SYNPR: variants seen among roughly 807,000 people sequenced by gnomAD.
The protein encoded by SYNPR is synaptoporin.
A neutral mutation model predicts 32.9 loss-of-function variants in SYNPR; 23 were observed. That is an observed-to-expected ratio of 0.70 (90% CI 0.50 to 0.99). SYNPR has a LOEUF of 0.99. Among genes scored for constraint, SYNPR ranks in the 50% least tolerant of loss-of-function variants. SYNPR has a pLI of 0.00. For synonymous variants in SYNPR, 146 were observed against 135.9 expected, an observed-to-expected ratio of 1.07 and a Z score of -0.52; for missense variants, 318 against 349.3, an observed-to-expected ratio of 0.91 and a Z score of 0.71.
chr3:63,473,965 A>C (rs1700851621), intron 2 of SYNPR, among the ~76,000 whole-genome samples: 1 of 152,214 alleles, frequency 6.6e-6, no homozygotes, highest in Non-Finnish European at 1.5e-5. Flanking sequence ...CATGTTTCCC[A>C]AAAGGAGATT....
chr3:63,521,610 A>G (rs890764039), intron 3 of SYNPR, among the ~76,000 whole-genome samples: 1 of 152,198 alleles, frequency 6.6e-6, no homozygotes, highest in African/African-American at 2.4e-5. Flanking sequence ...ACTACGTTGG[A>G]GTATTTTCTT....
intron 4 of SYNPR, among the ~76,000 whole-genome samples, chr3:63,570,473 C>G (rs1702868309): frequency 6.6e-6 from 1 of 152,194 alleles, no homozygotes; most frequent in Non-Finnish European, 1.5e-5. Context: ...TTTAGTCAAA[C>G]TGTACAATTT....
At chr3:63,228,878 C>T (rs2086148440) in intron 1 of SYNPR, among the ~76,000 whole-genome samples, 1 of 151,648 alleles carries the variant, frequency 6.6e-6, no homozygotes, top group African/African-American at 2.4e-5. Flanking sequence ...GGCAGAAAAC[C>T]GGAAACTATT....
intron 2 of SYNPR, among the ~76,000 whole-genome samples, chr3:63,305,723 T>C (rs1373909411): frequency 2.0e-5 from 3 of 151,986 alleles, no homozygotes; most frequent in Non-Finnish European, 2.9e-5. Flanking sequence ...ACCGACATAC[T>C]ACCTCTCAGA....
intron 4 of SYNPR, among the ~76,000 whole-genome samples, chr3:63,569,661 A>G (rs5000576): frequency 0.91 from 137,906 of 152,344 alleles, 62,475 homozygotes; most frequent in East Asian, 1. Context: ...TTGCATAGCC[A>G]CGCAAGCGTA....
intron 3 of SYNPR, among the ~76,000 whole-genome samples, chr3:63,504,375 G>C (rs956919442): frequency 5.3e-5 from 8 of 152,108 alleles, no homozygotes; most frequent in Non-Finnish European, 1.0e-4. Flanking sequence ...CTTAGAACTG[G>C]TGATTCACAG....
rs1189073932 is a variant in SYNPR, at chr3:63,313,561, A to G, written c.84+34819A>G. 6.7e-5 allele frequency among the ~76,000 whole-genome samples: 10 copies of G among 149,052 alleles called. No homozygotes were observed. In the East Asian group the frequency reaches 8.3e-4, roughly 12 times the overall value. ...TTAATTCATTCCTTTTTATGGCTGC[A>G]TAGTATTCCATTGTGTGTGTATGTG... On this transcript the variant is annotated intron_variant, in intron 2 of 5. Coordinates refer to ENST00000478300, the MANE Select transcript of SYNPR (RefSeq NM_001130003.2).
chr3:63,256,358 C>G (rs1423878715), intron 2 of SYNPR, among the ~76,000 whole-genome samples: 1 of 152,188 alleles, frequency 6.6e-6, no homozygotes, highest in Non-Finnish European at 1.5e-5. Flanking sequence ...CCGGGTACTC[C>G]TCTGAGACAA....
intron 3 of SYNPR, among the ~76,000 whole-genome samples, chr3:63,546,805 C>A (rs1007161381): frequency 6.6e-6 from 1 of 152,064 alleles, no homozygotes; most frequent in Non-Finnish European, 1.5e-5. Flanking sequence ...TGTTGAAAAG[C>A]AGAAGTATAG....
chr3:63,487,283 A>G (rs937994147), intron 3 of SYNPR, among the ~76,000 whole-genome samples: 3 of 152,286 alleles, frequency 2.0e-5, no homozygotes, highest in South Asian at 4.1e-4. Flanking sequence ...CCACTCAGCT[A>G]CTTATTAGCT....
chr3:63,550,552 C>A (rs1575706311), intron 3 of SYNPR, among the ~76,000 whole-genome samples: 1 of 152,012 alleles, frequency 6.6e-6, no homozygotes, highest in Non-Finnish European at 1.5e-5. Flanking sequence ...GCTAAGTCAG[C>A]AATGGGCAAA....
intron 2 of SYNPR, among the ~76,000 whole-genome samples, chr3:63,369,334 T>C (rs1388782518): frequency 1.3e-5 from 2 of 152,092 alleles, no homozygotes; most frequent in East Asian, 1.9e-4. Flanking sequence ...CATTTTGCCT[T>C]GGCAGCCTGA....
chr3:63,222,607 C>T, the SYNPR span, among the ~76,000 whole-genome samples: 4 of 152,034 alleles, frequency 2.6e-5, no homozygotes, highest in Admixed American at 1.3e-4. Context: ...ACTTTCGCCT[C>T]CCAGGTTTAA....
rs1271874096 is a variant in SYNPR at position 63,481,447 on chromosome 3, A to ATG, written c.209+492_209+493insGT. ...TTATATATTAAGTGTATATATATAT[A>ATG]TATATGTGTGTGTGTGTGTGTGTGT... is the stretch of plus-strand genomic sequence containing the variant. On this transcript the variant is annotated intron_variant, in intron 3 of 5. Transcript: ENST00000478300. Among the ~76,000 whole-genome samples, 1,312 of 134,868 alleles carry ATG rather than the reference A, an allele frequency of 9.7e-3. 24 individuals carry two copies. Among genetic ancestry groups the ATG allele is most frequent in the African/African-American group, 0.036 (1,230 of 34,598 alleles). The allele number at this position is 134,868 out of a possible 152,430, so 88.5% of individuals were successfully genotyped here. A position where few individuals can be genotyped will look rare whatever the true frequency, so the allele number is the denominator to read the frequency against.
intron 2 of SYNPR, chr3:63,445,666 A>T (rs1349852373): frequency 1.8e-6 from 1 of 562,488 alleles, no homozygotes; most frequent in Non-Finnish European, 3.2e-6. Flanking sequence ...GAGGGCCATA[A>T]CATTACCTCT....
intron 2 of SYNPR, among the ~76,000 whole-genome samples, chr3:63,336,518 GCAAAAAAAAAAAAAAAAAAAAAAAAAAAA>G: frequency 4.7e-5 from 1 of 21,054 alleles, no homozygotes. Context: ...ACATTCCCAT[GCAAAAAAAAAAAAAAAAAAAAAAAAAAAA>G]AAAAAAAAAA....
intron 2 of SYNPR, among the ~76,000 whole-genome samples, chr3:63,408,378 A>AAGAAAGAAAGAG (rs2088417144): frequency 6.7e-6 from 1 of 148,440 alleles, no homozygotes. Flanking sequence ...GAAAGAAAGA[A>AAGAAAGAAAGAG]AGAAAAGGAA....
intron 4 of SYNPR, among the ~76,000 whole-genome samples, chr3:63,571,754 C>T (rs1702891067): frequency 6.6e-6 from 1 of 151,948 alleles, no homozygotes; most frequent in Non-Finnish European, 1.5e-5. Context: ...TGAACGTATT[C>T]CTAAGGTGCT....
intron 4 of SYNPR, among the ~76,000 whole-genome samples, chr3:63,582,965 A>G (rs550813618): frequency 1.3e-5 from 2 of 151,838 alleles, no homozygotes; most frequent in South Asian, 2.1e-4. Flanking sequence ...GTGAGCAACA[A>G]GGCTGTTGAT....
Sources: gnomAD v4.1 joint callset for allele counts (sites outside exome capture counted in the v4.1 genomes callset) on GRCh38, gnomAD v4.1.1 for gene constraint, MANE v1.5 for transcripts, NCBI Gene and HGNC (gene_info 2026-07-23, HGNC 2026-07-21) for gene names.